AK5: variants seen among roughly 807,000 people sequenced by gnomAD.
AK5 encodes the protein adenylate kinase 5.
Under a neutral mutation model 69.5 loss-of-function variants are expected in AK5, and 27 were observed. That is an observed-to-expected ratio of 0.39 (90% CI 0.29 to 0.54). The LOEUF is 0.54. Among genes scored for constraint, AK5 ranks in the 20% least tolerant of loss-of-function variants. The probability of loss-of-function intolerance (pLI) is 0.71; values close to 1 mark genes in which losing one functional copy is unlikely to be tolerated. For synonymous variants in AK5, 260 were observed against 244.4 expected, an observed-to-expected ratio of 1.06 and a Z score of -0.60; for missense variants, 531 against 700.4, an observed-to-expected ratio of 0.76 and a Z score of 2.73.
At chr1:77,416,145 A>G (rs1463991263) in intron 7 of AK5, among the ~76,000 whole-genome samples, 1 of 152,198 alleles carries the variant, frequency 6.6e-6, no homozygotes, top group Non-Finnish European at 1.5e-5. Flanking sequence ...GCCCCAAAAT[A>G]CACCTTACAA....
chr1:77,301,551 C>A (rs1659341849), intron 5 of AK5, among the ~76,000 whole-genome samples: 1 of 152,214 alleles, frequency 6.6e-6, no homozygotes, highest in Non-Finnish European at 1.5e-5. Context: ...CTGCTCCCTT[C>A]TTCCCACACA....
intron 6 of AK5, among the ~76,000 whole-genome samples, chr1:77,360,497 GGGGGTGGATGTCAGAAAAT>G (rs1557526355): frequency 6.6e-6 from 1 of 152,106 alleles, no homozygotes; most frequent in Non-Finnish European, 1.5e-5. Context: ...AGAAGTTAGG[GGGGGTGGATGTCAGAAAAT>G]GGAGTTGGAT....
chr1:77,333,230 C>T (rs77884779), intron 5 of AK5, among the ~76,000 whole-genome samples: 7,535 of 152,282 alleles, frequency 0.049, 227 homozygotes, highest in South Asian at 0.093. Context: ...GGCCCCACCT[C>T]ATAACCTCTG....
chr1:77,358,216 T>C (rs1169802600), intron 6 of AK5, among the ~76,000 whole-genome samples: 2 of 152,194 alleles, frequency 1.3e-5, no homozygotes, highest in African/African-American at 4.8e-5. Context: ...GACAGTATGA[T>C]GGTTGAAATC....
At chr1:77,465,936 C>A (rs1282716896) in intron 8 of AK5, among the ~76,000 whole-genome samples, 2 of 152,148 alleles carry the variant, frequency 1.3e-5, no homozygotes, top group Non-Finnish European at 1.5e-5. Context: ...CAGAAGGAAA[C>A]CTCCAGGCCA....
At chr1:77,441,990 G>T (rs1344034818) in intron 8 of AK5, among the ~76,000 whole-genome samples, 1 of 152,124 alleles carries the variant, frequency 6.6e-6, no homozygotes, top group Non-Finnish European at 1.5e-5. Flanking sequence ...GCCCTGGGAG[G>T]CAGGGCACAG....
chr1:77,425,271 A>T (rs967902868), intron 8 of AK5, among the ~76,000 whole-genome samples: 3 of 152,190 alleles, frequency 2.0e-5, no homozygotes, highest in African/African-American at 7.2e-5. Context: ...GAAATGTTAA[A>T]AGAACTTCTT....
chr1:77,475,382 ATATATG>A (rs371592117), intron 8 of AK5, among the ~76,000 whole-genome samples: 5,269 of 45,746 alleles, frequency 0.12, 335 homozygotes, highest in South Asian at 0.23. Flanking sequence ...TATATATTAT[ATATATG>A]TATATATATA....
intron 8 of AK5, among the ~76,000 whole-genome samples, chr1:77,472,311 C>T (rs1158026448): frequency 4.6e-5 from 7 of 152,112 alleles, no homozygotes; most frequent in African/African-American, 1.7e-4. Flanking sequence ...CTTTTGTGGT[C>T]GCAGGGTGGC....
chr1:77,316,163 C>A (rs1271249540), intron 5 of AK5, among the ~76,000 whole-genome samples: 1 of 152,130 alleles, frequency 6.6e-6, no homozygotes, highest in Non-Finnish European at 1.5e-5. Context: ...TACTCAGTTG[C>A]ATTCCTTCTG....
intron 7 of AK5, among the ~76,000 whole-genome samples, chr1:77,412,113 T>C (rs537107606): frequency 4.1e-4 from 63 of 152,224 alleles, no homozygotes; most frequent in Admixed American, 8.5e-4. Context: ...ATCTAACTGC[T>C]AGATATCCTC....
chr1:77,514,852 T>C (rs1657549882), intron 10 of AK5, among the ~76,000 whole-genome samples: 1 of 152,254 alleles, frequency 6.6e-6, no homozygotes, highest in African/African-American at 2.4e-5. Context: ...GTAAGCCAAG[T>C]CTGAAAATAT....
intron 5 of AK5, among the ~76,000 whole-genome samples, chr1:77,318,284 A>G (rs1409805928): frequency 1.3e-5 from 2 of 152,042 alleles, no homozygotes; most frequent in Non-Finnish European, 2.9e-5. Context: ...GATGCTACAC[A>G]CTTGTAAACA....
intron 6 of AK5, among the ~76,000 whole-genome samples, chr1:77,376,451 C>CAAAAAAAAAAAAAAA (rs762576175): frequency 6.1e-4 from 25 of 41,032 alleles, no homozygotes; most frequent in African/African-American, 2.1e-3. Flanking sequence ...AAAAAAAAAA[C>CAAAAAAAAAAAAAAA]AAAAAAAAAA....
intron 8 of AK5, among the ~76,000 whole-genome samples, chr1:77,478,505 G>A (rs189365430): frequency 1.5e-4 from 23 of 152,208 alleles, no homozygotes; most frequent in African/African-American, 4.1e-4. Context: ...CTTCTCTTCC[G>A]CCATAATTGT....
chr1:77,487,549 G>A (rs1655680536), intron 10 of AK5, among the ~76,000 whole-genome samples: 1 of 152,206 alleles, frequency 6.6e-6, no homozygotes, highest in South Asian at 2.1e-4. Flanking sequence ...AAGAATGGTT[G>A]TCAACACTAC....
chr1:77,300,517 C>G (rs891961081), intron 5 of AK5, among the ~76,000 whole-genome samples: 17 of 152,090 alleles, frequency 1.1e-4, no homozygotes, highest in African/African-American at 3.9e-4. Context: ...CAGGGTCAGC[C>G]CTGATTATTC....
intron 5 of AK5, among the ~76,000 whole-genome samples, chr1:77,336,604 C>A (rs1216702384): frequency 6.6e-6 from 1 of 152,140 alleles, no homozygotes; most frequent in South Asian, 2.1e-4. Context: ...ACTACAGCTA[C>A]AGTATTATAA....
intron 13 of AK5, among the ~76,000 whole-genome samples, chr1:77,542,325 A>C (rs1006128863): frequency 2.0e-5 from 3 of 152,212 alleles, no homozygotes; most frequent in African/African-American, 7.2e-5. Flanking sequence ...TCGGTCTCAA[A>C]AAAAAAGAGC....
Sources: gnomAD v4.1 joint callset for allele counts (sites outside exome capture counted in the v4.1 genomes callset) on GRCh38, gnomAD v4.1.1 for gene constraint, MANE v1.5 for transcripts, NCBI Gene and HGNC (gene_info 2026-07-23, HGNC 2026-07-21) for gene names.